DLC1: variants seen among roughly 807,000 people sequenced by gnomAD.
The protein encoded by DLC1 is rho GTPase-activating protein 7.
A neutral mutation model predicts 140.3 loss-of-function variants in DLC1; 54 were observed. That is an observed-to-expected ratio of 0.38 (90% CI 0.31 to 0.48). The LOEUF (loss-of-function observed/expected upper bound fraction) is 0.48, where lower values mean the gene tolerates loss of function less well. DLC1 is among the 20% of genes least tolerant of loss of function. DLC1 has a pLI of 0.96. For synonymous variants in DLC1, 986 were observed against 728.1 expected, an observed-to-expected ratio of 1.35 and a Z score of -5.70; for missense variants, 2,536 against 1,907.0, an observed-to-expected ratio of 1.33 and a Z score of -6.14.
chr8:13,290,622 A>G (rs146369664), intron 5 of DLC1, among the ~76,000 whole-genome samples: 1 of 152,322 alleles, frequency 6.6e-6, no homozygotes, highest in East Asian at 1.9e-4. Context: ...AGAGTATAAA[A>G]GGATGCCAGC....
Position 13,099,463 on chromosome 8 carries a change from T to C in DLC1, c.2874A>G (p.Arg958=), listed in dbSNP as rs1563590045. 1 of 1,614,076 alleles carries C rather than the reference T, an allele frequency of 6.2e-7. No homozygotes were observed. The highest frequency in any genetic ancestry group is 8.5e-7 in the Non-Finnish European group (1 of 1,180,008). ...TGCTGTCCAGGTCGCTGGGTGTGGTTCGGTCGTTGTCCACATCCAGGTGTA... is the reference window on the plus strand; with the variant it reads ...TGCTGTCCAGGTCGCTGGGTGTGGTCCGGTCGTTGTCCACATCCAGGTGTA... ...KQIHLDVDND[R]TTPSDLDSTG... Residue 958 remains arginine, a synonymous_variant, in exon 9 of 18, where the codon CGA becomes CGG. Coordinates refer to ENST00000276297, the MANE Select transcript of DLC1 (RefSeq NM_182643.3).
At chr8:13,140,224 A>G (rs985896195) in intron 5 of DLC1, among the ~76,000 whole-genome samples, 1 of 152,082 alleles carries the variant, frequency 6.6e-6, no homozygotes, top group African/African-American at 2.4e-5. Context: ...GTTTATATCT[A>G]TATCTATATC....
intron 12 of DLC1, among the ~76,000 whole-genome samples, 169 bp downstream of exon 12, chr8:13,094,590 T>C (rs1234021403): frequency 6.6e-6 from 1 of 151,894 alleles, no homozygotes; most frequent in Non-Finnish European, 1.5e-5. Context: ...CGCTTGAACC[T>C]GGGAGGCAGA....
At chr8:13,257,966 C>G (rs1041311734) in intron 5 of DLC1, among the ~76,000 whole-genome samples, 1 of 152,246 alleles carries the variant, frequency 6.6e-6, no homozygotes, top group African/African-American at 2.4e-5. Flanking sequence ...CATCAAAAGC[C>G]AACTTGAAAT....
At chr8:13,200,443 A>T (rs554625224) in intron 5 of DLC1, among the ~76,000 whole-genome samples, 3 of 152,194 alleles carry the variant, frequency 2.0e-5, no homozygotes, top group Non-Finnish European at 4.4e-5. Flanking sequence ...TGCCACCCAG[A>T]TAAAAGTGGC....
At chr8:13,242,712 G>C (rs1202447211) in intron 5 of DLC1, among the ~76,000 whole-genome samples, 1 of 152,140 alleles carries the variant, frequency 6.6e-6, no homozygotes, top group Non-Finnish European at 1.5e-5. Flanking sequence ...GGTTTACACA[G>C]GTGTTGCCAT....
chr8:13,228,904 C>T (rs1017307584), intron 5 of DLC1, among the ~76,000 whole-genome samples: 1 of 152,180 alleles, frequency 6.6e-6, no homozygotes, highest in Admixed American at 6.5e-5. Context: ...TTGACACCTA[C>T]CAGGGTGGCT....
At chr8:13,517,859 C>T (rs1450378735), upstream of DLC1, among the ~76,000 whole-genome samples, 4 of 152,160 alleles carry the variant, frequency 2.6e-5, no homozygotes, top group African/African-American at 9.7e-5. Flanking sequence ...AGAATTGTCA[C>T]AATGCAAAAA....
chr8:13,582,008 C>G (rs947102844), intron 1 of DLC1, among the ~76,000 whole-genome samples: 1 of 152,036 alleles, frequency 6.6e-6, no homozygotes, highest in Non-Finnish European at 1.5e-5. Context: ...AGGATGGATA[C>G]GCAAAGTTCT....
intron 1 of DLC1, among the ~76,000 whole-genome samples, chr8:13,582,891 T>G (rs1184830280): frequency 1.2e-5 from 1 of 85,232 alleles, no homozygotes; most frequent in Non-Finnish European, 2.4e-5. Flanking sequence ...TATATATATA[T>G]ATATATATAT....
chr8:13,543,342 A>C (rs747056474), intron 1 of DLC1, among the ~76,000 whole-genome samples: 2 of 152,186 alleles, frequency 1.3e-5, no homozygotes, highest in South Asian at 4.1e-4. Context: ...GTTCAGAAGT[A>C]GATAGTTTAG....
At chr8:13,222,810 C>T (rs1285097951) in intron 5 of DLC1, among the ~76,000 whole-genome samples, 1 of 152,152 alleles carries the variant, frequency 6.6e-6, no homozygotes, top group Non-Finnish European at 1.5e-5. Context: ...GCGATGCAAT[C>T]ATAGCTCACT....
In DLC1 at chr8:13,393,581, G is replaced by C. The variant is rs766500863; in HGVS notation, c.1286C>G (p.Ala429Gly). Residue 429 changes from alanine to glycine, a missense_variant, in exon 4 of 18, where the codon GCC becomes GGC. Ala to Gly is a moderately conservative substitution (Grantham distance 60). Transcript: ENST00000276297. ...AGTCTTGGGTTTGGTTCCAGAATTG[G>C]CTACTGGAGTGGAAGATGGGAGGTC... The part of the protein sequence containing the change: ...STDLPSSTPV[A>G]NSGTKPKTTA... 7 of 1,613,928 alleles carry C rather than the reference G, an allele frequency of 4.3e-6. No homozygotes were observed. In the African/African-American group the frequency reaches 8.0e-5, roughly 18 times the overall value.
intron 3 of DLC1, among the ~76,000 whole-genome samples, chr8:13,394,797 AG>A (rs1378350062): frequency 6.6e-6 from 1 of 152,142 alleles, no homozygotes; most frequent in Non-Finnish European, 1.5e-5. Context: ...TGGTGTCTAC[AG>A]GAGGGACTAG....
At chr8:13,193,885 A>C (rs1051235415) in intron 5 of DLC1, among the ~76,000 whole-genome samples, 1 of 152,198 alleles carries the variant, frequency 6.6e-6, no homozygotes, top group African/African-American at 2.4e-5. Context: ...ATGAGCACCT[A>C]TTTTGGTAAC....
chr8:13,403,597 C>T (rs537932125), intron 2 of DLC1, among the ~76,000 whole-genome samples: 2 of 152,172 alleles, frequency 1.3e-5, no homozygotes, highest in East Asian at 1.9e-4. Context: ...TGGTTTAGTA[C>T]ATTTTATAAA....
chr8:13,161,388 G>A (rs1204735087), intron 5 of DLC1, among the ~76,000 whole-genome samples: 1 of 152,100 alleles, frequency 6.6e-6, no homozygotes, highest in African/African-American at 2.4e-5. Context: ...CTCAGGCTGA[G>A]TGTAGTGGCA....
At chr8:13,592,232 A>C (rs2117476189) in intron 1 of DLC1, among the ~76,000 whole-genome samples, 1 of 152,216 alleles carries the variant, frequency 6.6e-6, no homozygotes, top group Non-Finnish European at 1.5e-5. Flanking sequence ...TTTCGATTCA[A>C]GTATTCTGCC....
intron 4 of DLC1, among the ~76,000 whole-genome samples, chr8:13,312,813 G>C (rs1216581548): frequency 6.6e-6 from 1 of 152,042 alleles, no homozygotes; most frequent in African/African-American, 2.4e-5. Flanking sequence ...ATTCATAACA[G>C]TTTTTGTTTT....
Sources: allele counts gnomAD v4.1 joint callset (sites outside exome capture counted in the v4.1 genomes callset), GRCh38; gene constraint gnomAD v4.1.1; transcripts MANE v1.5; gene names NCBI Gene and HGNC (gene_info 2026-07-23, HGNC 2026-07-21).